ODF2L: variants seen among roughly 807,000 people sequenced by gnomAD.
ODF2L encodes outer dense fiber of sperm tails 2 like.
Under a neutral mutation model 86.3 loss-of-function variants are expected in ODF2L, and 76 were observed. The ratio of observed to expected loss-of-function variants is 0.88; its 90% confidence interval spans 0.73 to 1.07. The LOEUF (loss-of-function observed/expected upper bound fraction) is 1.07. Ranked by LOEUF, ODF2L falls within the 50% of genes least tolerant of loss-of-function variation. ODF2L has a pLI of 0.00. For missense variants in ODF2L, 748 were observed against 717.4 expected, an observed-to-expected ratio of 1.04 and a Z score of -0.49; for synonymous variants, 241 against 231.3, an observed-to-expected ratio of 1.04 and a Z score of -0.38.
chr1:86,380,762 C>A (rs1453714462), intron 7 of ODF2L, among the ~76,000 whole-genome samples: 5 of 152,050 alleles, frequency 3.3e-5, no homozygotes, highest in Admixed American at 3.3e-4. Flanking sequence ...TCAGTCTCTT[C>A]TGAAAATAAG....
chr1:86,387,637 G>A (rs1401565552), intron 1 of ODF2L, among the ~76,000 whole-genome samples: 3 of 152,208 alleles, frequency 2.0e-5, no homozygotes, highest in Admixed American at 2.0e-4. Context: ...CCAGACAGAT[G>A]ACATTACTTC....
At chr1:86,395,150 T>C (rs916926731) in intron 1 of ODF2L, among the ~76,000 whole-genome samples, 3 of 152,204 alleles carry the variant, frequency 2.0e-5, no homozygotes, top group African/African-American at 7.2e-5. Flanking sequence ...GCCCGGTTTG[T>C]TTCTTTAACC....
intron 13 of ODF2L, 110 bp from the exon 13 acceptor site, chr1:86,356,712 G>T: frequency 2.4e-6 from 2 of 823,384 alleles, no homozygotes; most frequent in Non-Finnish European, 3.5e-6. Flanking sequence ...AGGTATAATG[G>T]CTTTAAATAA....
At chr1:86,354,956 GA>G (rs1658426268) in intron 14 of ODF2L, 97 bp from the exon 14 acceptor site, 1 of 685,380 alleles carries the variant, frequency 1.5e-6, no homozygotes, top group Non-Finnish European at 2.5e-6. Flanking sequence ...CAAGCAACGA[GA>G]AGGTATAAAT....
In ODF2L at chr1:86,383,006, G is replaced by C. The variant is rs547453723; in HGVS notation, c.436-4C>G. 2.0e-5 allele frequency: 30 copies of C among 1,470,892 alleles called. No individual in the cohort carries two copies. In the African/African-American group the frequency reaches 2.6e-4, roughly 13 times the overall value. 91.1% of individuals were successfully genotyped at this position (1,470,892 alleles called of 1,614,324 possible). A position where few individuals can be genotyped will look rare whatever the true frequency, so the allele number is the denominator to read the frequency against. On this transcript the variant is annotated splice_polypyrimidine_tract_variant and splice_region_variant and intron_variant, in intron 5 of 17. Coordinates refer to ENST00000317336, the Ensembl canonical transcript of ODF2L. ...CAAATACCTTCTTCTTAAGATTCTT[G>C]AGCAAATATAAAATAAGAATTAGGA...
chr1:86,368,372 A>G (rs1181161383), intron 11 of ODF2L, among the ~76,000 whole-genome samples: 1 of 152,136 alleles, frequency 6.6e-6, no homozygotes, highest in Non-Finnish European at 1.5e-5. Flanking sequence ...TTAGTGCTCG[A>G]CTAATTAGAA....
downstream of ODF2L, chr1:86,347,072 T>C (rs1657843758): frequency 6.6e-6 from 1 of 152,218 alleles, no homozygotes; most frequent in Non-Finnish European, 1.5e-5. Context: ...GCAGCGCTGC[T>C]GCTGCGCTGC....
At chr1:86,372,405 A>G (rs1659857087) in intron 9 of ODF2L, 26 bp downstream of exon 9, 1 of 1,135,646 alleles carries the variant, frequency 8.8e-7, no homozygotes, top group Non-Finnish European at 1.2e-6. Flanking sequence ...TTACTAAATA[A>G]TAAAATATTC....
chr1:86,367,129 G>T (rs1038884330), intron 11 of ODF2L, among the ~76,000 whole-genome samples: 7 of 152,150 alleles, frequency 4.6e-5, no homozygotes, highest in Non-Finnish European at 8.8e-5. Flanking sequence ...AATGGTGGCA[G>T]ATTTTCTCTC....
chr1:86,352,823 A>G (rs1363930538), intron 17 of ODF2L, 36 bp downstream of exon 16: 3 of 1,291,580 alleles, frequency 2.3e-6, no homozygotes, highest in Non-Finnish European at 3.2e-6. Context: ...GTTAAATGTT[A>G]TCTTTTATAA....
intron 3 of ODF2L, 108 bp downstream of exon 3, chr1:86,385,350 T>G: frequency 3.2e-6 from 2 of 615,762 alleles, no homozygotes; most frequent in Non-Finnish European, 2.8e-6. Flanking sequence ...ATTTTTGGTA[T>G]GAAATACTCA....
At chr1:86,366,746 A>C (rs1659472117) in intron 11 of ODF2L, among the ~76,000 whole-genome samples, 1 of 152,190 alleles carries the variant, frequency 6.6e-6, no homozygotes, top group African/African-American at 2.4e-5. Context: ...TTAAACTTTT[A>C]AACGAAGGAT....
At chr1:86,380,474 C>G (rs1017633770) in intron 7 of ODF2L, among the ~76,000 whole-genome samples, 1 of 152,132 alleles carries the variant, frequency 6.6e-6, no homozygotes, top group Non-Finnish European at 1.5e-5. Flanking sequence ...GTGTCATCAT[C>G]ACACCATGAA....
At chr1:86,368,292 G>A (rs1205571384) in intron 11 of ODF2L, among the ~76,000 whole-genome samples, 1 of 151,952 alleles carries the variant, frequency 6.6e-6, no homozygotes, top group Non-Finnish European at 1.5e-5. Context: ...AAAGTTATAT[G>A]TTTGTTGTAT....
chr1:86,356,313 A>G, intron 14 of ODF2L, 131 bp downstream of exon 13: 3 of 620,236 alleles, frequency 4.8e-6, no homozygotes, highest in Non-Finnish European at 8.1e-6. Context: ...TCTGCATGAA[A>G]ATGATGTTTT....
chr1:86,387,002 C>T, exon 2 of ODF2L: 1 of 1,577,104 alleles, frequency 6.3e-7, no homozygotes. Flanking sequence ...TTCTGAATGA[C>T]TTCCATCATT....
intron 3 of ODF2L, 98 bp from the exon 4 acceptor site, chr1:86,384,899 A>G: frequency 1.1e-6 from 1 of 951,844 alleles, no homozygotes; most frequent in Non-Finnish European, 1.4e-6. Context: ...CTACTAAACA[A>G]AATCATTCTT....
Position 86,387,076 on chromosome 1 carries a change from T to C in ODF2L, c.-49A>G. The C allele has an allele frequency of 1.2e-6, 1 of 828,256 alleles. No individual in the cohort carries two copies. The highest frequency in any genetic ancestry group is 2.4e-4 in the Middle Eastern group (1 of 4,184). The allele number at this position is 828,256 out of a possible 1,614,324, so 51.3% of individuals were successfully genotyped here. A position where few individuals can be genotyped will look rare whatever the true frequency, so the allele number is the denominator to read the frequency against. ...GTGGCTTCACAGCGACTTCTCCACA[T>C]AAGCTGAAAGCTAGGAAATATTTTA... On this transcript the variant is annotated 5_prime_UTR_variant, in exon 2 of 18. An upstream start codon of the reference 5' UTR is lost. Coordinates refer to ENST00000317336, the Ensembl canonical transcript of ODF2L.
At position 86,365,934 on chromosome 1, in the gene ODF2L, C is replaced by CA. The variant is rs1279000315; in HGVS notation, c.1143+2701dup. On this transcript the variant is annotated intron_variant, in intron 11 of 17. Transcript: ENST00000317336. ...CACCTGGAACTAGGAGTTTACTTCCCAAAAAACAAAGATAAGAAAAGTCCT... is the reference window on the plus strand; with the variant it reads ...CACCTGGAACTAGGAGTTTACTTCCCAAAAAAACAAAGATAAGAAAAGTCCT... 7.2e-5 allele frequency among the ~76,000 whole-genome samples: 11 copies of CA among 152,072 alleles called. No homozygotes were observed. The South Asian group carries it at 1.4e-3, about 20-fold the overall frequency.
Sources: gnomAD v4.1 joint callset for allele counts (sites outside exome capture counted in the v4.1 genomes callset) on GRCh38, gnomAD v4.1.1 for gene constraint, MANE v1.5 for transcripts, NCBI Gene and HGNC (gene_info 2026-07-23, HGNC 2026-07-21) for gene names.